Variants in TYW1B observed in about 807,000 individuals in gnomAD.
TYW1B encodes S-adenosyl-L-methionine-dependent tRNA 4-demethylwyosine synthase TYW1B.
In TYW1B, 73 loss-of-function variants were observed where a neutral mutation model predicts 86.9. The observed-to-expected ratio is 0.84, with a 90% CI of 0.70 to 1.02. The LOEUF (loss-of-function observed/expected upper bound fraction) is 1.02. Ranked by LOEUF, TYW1B falls within the 50% of genes least tolerant of loss-of-function variation. The pLI is 0.00. For synonymous variants in TYW1B, 248 were observed against 292.8 expected (o/e 0.85, Z 1.56); for missense variants, 637 against 827.4 (o/e 0.77, Z 2.82).
chr7:72,658,966 C>G lies in TYW1B; in HGVS notation c.1507-29969G>C, dbSNP rs189562653. Among the ~76,000 whole-genome samples, 105 of 152,214 alleles carry G rather than the reference C, an allele frequency of 6.9e-4. 1 individual carries two copies. Among genetic ancestry groups the G allele is most frequent in the Admixed American group, 5.4e-3 (83 of 15,290 alleles). On this transcript the variant is annotated intron_variant, in intron 11 of 13. Transcript: ENST00000620995. ...GAACTCCTGACCTCAAGTGATCTGC[C>G]CACCTTGGCCTCCCAAAGTGCCGGG...
intron 7 of TYW1B, among the ~76,000 whole-genome samples, chr7:72,752,732 A>AAAACAAACAAAC (rs143294618): frequency 0.097 from 14,589 of 150,694 alleles, 772 homozygotes; most frequent in African/African-American, 0.11. Context: ...CTCCGTCTCA[A>AAAACAAACAAAC]AAACAAACAA....
intron 13 of TYW1B, among the ~76,000 whole-genome samples, chr7:72,609,038 C>T (rs540212810): frequency 2.6e-3 from 397 of 152,214 alleles, no homozygotes; most frequent in African/African-American, 9.0e-3. Context: ...ATTTTGATAA[C>T]GTACTATGAT....
chr7:72,724,246 A>AT (rs1786958370), intron 9 of TYW1B, among the ~76,000 whole-genome samples: 1 of 152,120 alleles, frequency 6.6e-6, no homozygotes, highest in Non-Finnish European at 1.5e-5. Flanking sequence ...CCCAGGCAGA[A>AT]GGATCATTTG....
At chr7:72,727,811 CA>C (rs10714290) in intron 9 of TYW1B, among the ~76,000 whole-genome samples, 4,978 of 107,688 alleles carry the variant, frequency 0.046, 158 homozygotes, top group East Asian at 0.26. Context: ...AGATCCGGTC[CA>C]AAAAAAAAAA....
At chr7:72,737,860 C>T (rs573840792) in intron 8 of TYW1B, among the ~76,000 whole-genome samples, 99 of 151,190 alleles carry the variant, frequency 6.5e-4, no homozygotes, top group African/African-American at 2.4e-3. Flanking sequence ...CTGCAAGCTC[C>T]ACCTCCTGGG....
At chr7:72,812,220 A>G (rs1160103215) in intron 3 of TYW1B, among the ~76,000 whole-genome samples, 1 of 151,774 alleles carries the variant, frequency 6.6e-6, no homozygotes, top group Non-Finnish European at 1.5e-5. Flanking sequence ...CCTTTGTTTC[A>G]TATACACCTT....
intron 8 of TYW1B, among the ~76,000 whole-genome samples, chr7:72,742,384 C>T (rs1787320736): frequency 1.3e-5 from 2 of 152,176 alleles, no homozygotes; most frequent in Non-Finnish European, 2.9e-5. Context: ...CCCACCCTGG[C>T]GTCCCAAGGT....
At chr7:72,715,392 G>C (rs1392392828) in intron 9 of TYW1B, among the ~76,000 whole-genome samples, 14 of 152,202 alleles carry the variant, frequency 9.2e-5, no homozygotes, top group Non-Finnish European at 1.9e-4. Context: ...CTCTCCGTGT[G>C]ATTCCAGCAT....
At chr7:72,659,044 T>A (rs1554444089) in intron 11 of TYW1B, among the ~76,000 whole-genome samples, 1 of 152,076 alleles carries the variant, frequency 6.6e-6, no homozygotes, top group African/African-American at 2.4e-5. Flanking sequence ...TTAAAAAGCA[T>A]GCATTCAGCA....
chr7:72,586,850 C>T (rs1811290020), intron 13 of TYW1B, among the ~76,000 whole-genome samples: 1 of 151,944 alleles, frequency 6.6e-6, no homozygotes. Flanking sequence ...GAGGTCACCT[C>T]CTAGAAGCTG....
In TYW1B at chr7:72,688,740, T is replaced by A. The variant is rs145379645; in HGVS notation, c.1506+5947A>T. ...CGGTATTCCTTCCCCAATGTTCTCC[T>A]GAGTCTCCAAACCCATAGAAGCTAT... On this transcript the variant is annotated intron_variant, in intron 11 of 13. Transcript: ENST00000620995. Among the ~76,000 whole-genome samples the A allele has an allele frequency of 9.2e-5, 14 of 152,340 alleles. No individual in the cohort carries two copies. In the East Asian group the frequency reaches 2.7e-3, roughly 29 times the overall value.
chr7:72,791,703 G>T (rs1455915424), intron 6 of TYW1B, among the ~76,000 whole-genome samples: 1 of 152,184 alleles, frequency 6.6e-6, no homozygotes, highest in Non-Finnish European at 1.5e-5. Context: ...CTTGAACCTG[G>T]AAGGTGGAGG....
chr7:72,656,517 A>G (rs1554443652), intron 11 of TYW1B, among the ~76,000 whole-genome samples: 1 of 152,030 alleles, frequency 6.6e-6, no homozygotes, highest in Non-Finnish European at 1.5e-5. Flanking sequence ...CTGAGGCATG[A>G]GAGTCGCTTC....
intron 13 of TYW1B, among the ~76,000 whole-genome samples, chr7:72,600,317 A>T (rs1333748674): frequency 2.6e-5 from 4 of 152,258 alleles, no homozygotes; most frequent in African/African-American, 9.6e-5. Flanking sequence ...GGATGTCCTC[A>T]TGCAAGAAAG....
chr7:72,704,564 T>C (rs1814568597), intron 10 of TYW1B, among the ~76,000 whole-genome samples: 1 of 144,966 alleles, frequency 6.9e-6, no homozygotes, highest in Admixed American at 7.0e-5. Context: ...GCCTGGCCAA[T>C]ATAATGGGAC....
chr7:72,807,116 T>A lies in TYW1B; in HGVS notation c.673A>T (p.Arg225Trp). The change falls in exon 5 of 14, where the codon AGG becomes TGG. Residue 225 changes from arginine to tryptophan, a missense_variant. By Grantham distance (101) the Arg-to-Trp change is moderately radical. Transcript: ENST00000620995. ...CESHQHGSEE[R>W]EEGSQEQDEL... Reference sequence around the variant, plus strand: ...TCCTGCTCTTGAGATCCTTCCTCCCTCTCCTCTGAGCCATGTTGGTGAGAT... The same window carrying A: ...TCCTGCTCTTGAGATCCTTCCTCCCACTCCTCTGAGCCATGTTGGTGAGAT... The A allele has an allele frequency of 1.9e-6, 3 of 1,614,158 alleles. No individual in the cohort carries two copies. The East Asian group carries it at 6.7e-5, about 36-fold the overall frequency.
At chr7:72,658,246 G>A (rs1369001308) in intron 11 of TYW1B, among the ~76,000 whole-genome samples, 8 of 149,430 alleles carry the variant, frequency 5.4e-5, no homozygotes, top group Non-Finnish European at 1.2e-4. Flanking sequence ...GCGAGACTCC[G>A]TCTCAATAAA....
chr7:72,689,134 G>A (rs1297990921), intron 11 of TYW1B, among the ~76,000 whole-genome samples: 1 of 152,150 alleles, frequency 6.6e-6, no homozygotes, highest in African/African-American at 2.4e-5. Context: ...AGCCAGATGG[G>A]TTAAGGCTCA....
At chr7:72,709,716 T>C (rs1433863879) in intron 10 of TYW1B, among the ~76,000 whole-genome samples, 2 of 152,162 alleles carry the variant, frequency 1.3e-5, no homozygotes, top group African/African-American at 2.4e-5. Flanking sequence ...TTCCTAAGCA[T>C]TCCTTCTTTC....
Sources: gnomAD v4.1 joint callset for allele counts (sites outside exome capture counted in the v4.1 genomes callset) on GRCh38, gnomAD v4.1.1 for gene constraint, MANE v1.5 for transcripts, NCBI Gene and HGNC (gene_info 2026-07-23, HGNC 2026-07-21) for gene names.